CHN1: variants seen among roughly 807,000 people sequenced by gnomAD.
CHN1 encodes the protein N-chimaerin.
A neutral mutation model predicts 59.5 loss-of-function variants in CHN1; 37 were observed. The observed-to-expected ratio is 0.62, with a 90% CI of 0.48 to 0.82. The LOEUF is 0.82. Among genes scored for constraint, CHN1 ranks in the 40% least tolerant of loss-of-function variants. The pLI is 0.00. For synonymous variants in CHN1, 206 were observed against 200.4 expected, an observed-to-expected ratio of 1.03 and a Z score of -0.24; for missense variants, 469 against 571.0, an observed-to-expected ratio of 0.82 and a Z score of 1.82.
At chr2:174,900,673 C>T (rs890805536) in intron 5 of CHN1, among the ~76,000 whole-genome samples, 5 of 151,858 alleles carry the variant, frequency 3.3e-5, no homozygotes, top group African/African-American at 9.7e-5. Context: ...GGCGTGGTGA[C>T]AGGTGCCTGT....
intron 3 of CHN1, among the ~76,000 whole-genome samples, chr2:174,936,516 C>T (rs1558988901): frequency 1.3e-5 from 2 of 152,076 alleles, no homozygotes; most frequent in African/African-American, 4.8e-5. Flanking sequence ...CACACACACA[C>T]ATATATAGAT....
At chr2:174,850,106 T>A (rs1177582392) in intron 6 of CHN1, among the ~76,000 whole-genome samples, 1 of 152,212 alleles carries the variant, frequency 6.6e-6, no homozygotes, top group Non-Finnish European at 1.5e-5. Flanking sequence ...CACCCCCTCC[T>A]ACGTGATGGC....
At chr2:174,948,054 G>A (rs923502732) in intron 2 of CHN1, among the ~76,000 whole-genome samples, 3 of 152,144 alleles carry the variant, frequency 2.0e-5, no homozygotes, top group Non-Finnish European at 4.4e-5. Flanking sequence ...GTGTCAATGA[G>A]TATATACTTA....
At chr2:174,947,675 G>A (rs1689888930) in intron 2 of CHN1, among the ~76,000 whole-genome samples, 1 of 151,646 alleles carries the variant, frequency 6.6e-6, no homozygotes, top group Non-Finnish European at 1.5e-5. Flanking sequence ...ATAGAGACCG[G>A]GTTTCACCAT....
At chr2:174,900,556 A>G (rs999535315) in intron 5 of CHN1, among the ~76,000 whole-genome samples, 4 of 152,222 alleles carry the variant, frequency 2.6e-5, no homozygotes, top group Non-Finnish European at 5.9e-5. Flanking sequence ...CTGTAATCCC[A>G]GTACTTTGGG....
intron 7 of CHN1, among the ~76,000 whole-genome samples, chr2:174,831,971 A>G (rs574496870): frequency 6.6e-6 from 1 of 152,284 alleles, no homozygotes; most frequent in African/African-American, 2.4e-5. Flanking sequence ...AAATCTCTAT[A>G]CCTACATTAT....
At chr2:174,943,698 T>C (rs1336463049) in intron 3 of CHN1, among the ~76,000 whole-genome samples, 2 of 152,160 alleles carry the variant, frequency 1.3e-5, no homozygotes, top group Admixed American at 6.5e-5. Flanking sequence ...ATTATGATAA[T>C]AATTATGTAA....
At chr2:174,801,339 CTTGCAAG>C (rs55966265) in intron 12 of CHN1, among the ~76,000 whole-genome samples, 200 of 151,126 alleles carry the variant, frequency 1.3e-3, no homozygotes, top group South Asian at 0.012. Flanking sequence ...AGTGAGCTGC[CTTGCAAG>C]TTGCAAGTTG....
At chr2:174,955,144 CTCTA>C (rs1424907004) in intron 1 of CHN1, among the ~76,000 whole-genome samples, 1 of 136,998 alleles carries the variant, frequency 7.3e-6, no homozygotes, top group Non-Finnish European at 1.5e-5. Context: ...ATCTATATAT[CTCTA>C]TATATCTATG....
In CHN1 at chr2:174,980,481, C is replaced by T. The variant is rs574884487; in HGVS notation, c.19+24413G>A. Among the ~76,000 whole-genome samples the T allele has an allele frequency of 3.3e-5, 5 of 152,098 alleles. No individual in the cohort carries two copies. The East Asian group carries it at 7.7e-4, about 24-fold the overall frequency. On this transcript the variant is annotated intron_variant, in intron 1 of 12. Coordinates refer to ENST00000409900, the MANE Select transcript of CHN1 (RefSeq NM_001822.7). Reference sequence around the variant, plus strand: ...ATGTGAAAATTTTTAGTCTTTTTTCCCGTTTTTAAAATTATGATTTTAAAA... The same window carrying T: ...ATGTGAAAATTTTTAGTCTTTTTTCTCGTTTTTAAAATTATGATTTTAAAA...
chr2:174,850,823 T>G (rs1455646288), intron 6 of CHN1, among the ~76,000 whole-genome samples: 1 of 152,102 alleles, frequency 6.6e-6, no homozygotes, highest in African/African-American at 2.4e-5. Context: ...AGGAGAGAAG[T>G]GGAAAGTGGC....
chr2:174,993,017 T>C (rs1427920228), intron 1 of CHN1, among the ~76,000 whole-genome samples: 5 of 152,170 alleles, frequency 3.3e-5, no homozygotes, highest in African/African-American at 9.7e-5. Flanking sequence ...CTTGAATTCC[T>C]GGCCTCAAGC....
At chr2:174,997,226 C>T (rs1275255404) in intron 1 of CHN1, among the ~76,000 whole-genome samples, 2 of 152,192 alleles carry the variant, frequency 1.3e-5, no homozygotes, top group African/African-American at 4.8e-5. Flanking sequence ...CTAGTTTCTA[C>T]ACCCTTCTCT....
rs770713465 is a variant in CHN1, at chr2:174,847,726, C to CTGTT, written c.550-773_550-770dup. On this transcript the variant is annotated intron_variant, in intron 6 of 12. Coordinates refer to ENST00000409900, the MANE Select transcript of CHN1 (RefSeq NM_001822.7). ...CTGTATTCCTAAACTCACTCTGTCT[C>CTGTT]TGTTTCTCCCTCCTCTCATGTAAGT... 4 of 902,284 alleles carry CTGTT rather than the reference C, an allele frequency of 4.4e-6. No individual in the cohort carries two copies. In the South Asian group the frequency reaches 5.6e-5, roughly 13 times the overall value. 55.9% of individuals were successfully genotyped at this position (902,284 alleles called of 1,614,324 possible).
intron 5 of CHN1, among the ~76,000 whole-genome samples, chr2:174,904,267 T>A (rs1299546472): frequency 1.3e-5 from 2 of 151,738 alleles, no homozygotes; most frequent in Non-Finnish European, 2.9e-5. Context: ...TCTCAAAAAA[T>A]AAATAAATAA....
rs531920355 is a variant in CHN1 at position 174,808,997 on chromosome 2, T to C, written c.1010A>G (p.Asn337Ser). The C allele has an allele frequency of 2.5e-6, 4 of 1,613,492 alleles. No individual in the cohort carries two copies. Among genetic ancestry groups the C allele is most frequent in the East Asian group, 2.2e-5 (1 of 44,834 alleles). The stretch of plus-strand genomic sequence containing the variant: ...CAGTTTAAGTGCACCAGTGATAATG[T>C]TGATATCTTCATACATGTTCACAGA... The part of the protein sequence containing the change: ...DISVNMYEDI[N>S]IITGALKLYF... Residue 337 changes from asparagine to serine, a missense_variant, in exon 11 of 13, where the codon AAC (asparagine) becomes AGC (serine). Asn to Ser is a conservative substitution (Grantham distance 46). Transcript: ENST00000409900.
intron 5 of CHN1, among the ~76,000 whole-genome samples, chr2:174,890,980 C>CA (rs33999354): frequency 3.9e-4 from 57 of 146,124 alleles, no homozygotes; most frequent in South Asian, 4.4e-4. Context: ...ACTAAAAATA[C>CA]AAAAAAAAAA....
chr2:174,974,364 C>T (rs949156352), intron 1 of CHN1, among the ~76,000 whole-genome samples: 2 of 152,100 alleles, frequency 1.3e-5, no homozygotes, highest in African/African-American at 4.8e-5. Context: ...CGCAAGGATG[C>T]TGAATACTAG....
At chr2:174,847,663 G>A (rs1400656216) in intron 6 of CHN1, 39 of 1,312,898 alleles carry the variant, frequency 3.0e-5, no homozygotes, top group Non-Finnish European at 3.6e-5. Flanking sequence ...CGTAAGAAAG[G>A]AGATAACCAA....
Sources: allele counts gnomAD v4.1 joint callset (sites outside exome capture counted in the v4.1 genomes callset), GRCh38; gene constraint gnomAD v4.1.1; transcripts MANE v1.5; gene names NCBI Gene and HGNC (gene_info 2026-07-23, HGNC 2026-07-21).